SLC10A7: variants seen among roughly 807,000 people sequenced by gnomAD.
SLC10A7 encodes the protein sodium/bile acid cotransporter 7.
In SLC10A7, 29 loss-of-function variants were observed where a neutral mutation model predicts 43.2. That is an observed-to-expected ratio of 0.67 (90% CI 0.50 to 0.92). The LOEUF (loss-of-function observed/expected upper bound fraction) is 0.92, where lower values mean the gene tolerates loss of function less well. SLC10A7 is among the 40% of genes least tolerant of loss of function. The probability of loss-of-function intolerance (pLI) is 0.00; values close to 1 mark genes in which losing one functional copy is unlikely to be tolerated. For missense variants in SLC10A7, 295 were observed against 403.2 expected, an observed-to-expected ratio of 0.73 and a Z score of 2.30; for synonymous variants, 152 against 144.8, an observed-to-expected ratio of 1.05 and a Z score of -0.35.
At chr4:146,335,262 A>AAAAAAAAAAAAAG (rs1316700290) in intron 5 of SLC10A7, among the ~76,000 whole-genome samples, 1 of 145,428 alleles carries the variant, frequency 6.9e-6, no homozygotes, top group Admixed American at 6.8e-5. Flanking sequence ...AAAAAAAAAA[A>AAAAAAAAAAAAAG]AAAAAAAAAA....
chr4:146,294,355 C>T (rs989571693), intron 7 of SLC10A7, among the ~76,000 whole-genome samples: 33 of 152,158 alleles, frequency 2.2e-4, no homozygotes, highest in Non-Finnish European at 3.4e-4. Flanking sequence ...ATGCCAAATG[C>T]TCTTTGCTAG....
At chr4:146,411,831 G>C (rs1728215218) in intron 5 of SLC10A7, among the ~76,000 whole-genome samples, 1 of 152,154 alleles carries the variant, frequency 6.6e-6, no homozygotes, top group African/African-American at 2.4e-5. Flanking sequence ...TGTAAGTCAT[G>C]CATTTGCTGG....
chr4:146,404,208 C>T (rs1051500392), intron 5 of SLC10A7, among the ~76,000 whole-genome samples: 6 of 151,952 alleles, frequency 3.9e-5, no homozygotes, highest in East Asian at 3.9e-4. Flanking sequence ...TTTGTAAAGA[C>T]GGGGTCTCCC....
intron 5 of SLC10A7, among the ~76,000 whole-genome samples, chr4:146,396,909 A>G (rs963259773): frequency 6.6e-6 from 1 of 152,164 alleles, no homozygotes; most frequent in African/African-American, 2.4e-5. Flanking sequence ...TAACAAAAGG[A>G]AAAGGAGAAA....
At chr4:146,499,013 A>G (rs551370785) in intron 4 of SLC10A7, among the ~76,000 whole-genome samples, 2 of 152,190 alleles carry the variant, frequency 1.3e-5, no homozygotes, top group Non-Finnish European at 2.9e-5. Context: ...AAATGACACC[A>G]TTACAACTGC....
At chr4:146,478,119 A>T (rs554108213) in intron 4 of SLC10A7, 1 of 152,320 alleles carries the variant, frequency 6.6e-6, no homozygotes, top group South Asian at 2.1e-4. Context: ...AATGGGAATG[A>T]CACATACTAT....
chr4:146,364,608 T>C (rs1464860715), intron 5 of SLC10A7, among the ~76,000 whole-genome samples: 2 of 152,090 alleles, frequency 1.3e-5, no homozygotes, highest in Admixed American at 6.6e-5. Context: ...AGAGTGATGG[T>C]TCCCAGAGGC....
At chr4:146,311,768 A>C (rs1486163649) in intron 6 of SLC10A7, among the ~76,000 whole-genome samples, 2 of 152,100 alleles carry the variant, frequency 1.3e-5, no homozygotes, top group Admixed American at 1.3e-4. Context: ...AAAGGGAAGA[A>C]GGCTTGCTTA....
Position 146,343,194 on chromosome 4 carries a change from T to G in SLC10A7, c.436-17198A>C, listed in dbSNP as rs548344028. 5.9e-5 allele frequency among the ~76,000 whole-genome samples: 9 copies of G among 152,168 alleles called. No individual in the cohort carries two copies. The East Asian group carries it at 1.7e-3, about 29-fold the overall frequency. On this transcript the variant is annotated intron_variant, in intron 5 of 11. Transcript: ENST00000335472. ...TAGGTGATTTCTTACAACACAGTAC[T>G]GTAATCTTCTTGGGTTCTGTTTTTC...
intron 9 of SLC10A7, among the ~76,000 whole-genome samples, chr4:146,291,956 G>C (rs1178349136): frequency 3.9e-5 from 6 of 152,198 alleles, no homozygotes; most frequent in Non-Finnish European, 2.9e-5. Flanking sequence ...TATAATAAAG[G>C]TGGAAAAATT....
chr4:146,521,402 A>C (rs1579412231), intron 1 of SLC10A7, among the ~76,000 whole-genome samples: 2 of 152,300 alleles, frequency 1.3e-5, no homozygotes, highest in East Asian at 3.9e-4. Context: ...TTGTCTACGG[A>C]AAAGGCTACC....
rs183923194 is a variant in SLC10A7, at chr4:146,412,204, G to A, written c.435+30579C>T. 2.8e-3 allele frequency among the ~76,000 whole-genome samples: 426 copies of A among 152,070 alleles called. 4 individuals are homozygous for A. Among genetic ancestry groups the A allele is most frequent in the African/African-American group, 1.0e-2 (415 of 41,512 alleles). ...ATAATTGCTTGGCCTAAAAGATATGGGGAGTAATTCACATGACTTTCTCAA... is the reference window on the plus strand; with the variant it reads ...ATAATTGCTTGGCCTAAAAGATATGAGGAGTAATTCACATGACTTTCTCAA... On this transcript the variant is annotated intron_variant, in intron 5 of 11. Transcript: ENST00000335472.
In SLC10A7 at chr4:146,431,045, G is replaced by C. The variant is rs898023989; in HGVS notation, c.435+11738C>G. Among the ~76,000 whole-genome samples the C allele has an allele frequency of 3.3e-5, 5 of 152,002 alleles. No individual in the cohort carries two copies. In the East Asian group the frequency reaches 9.6e-4, roughly 29 times the overall value. On this transcript the variant is annotated intron_variant, in intron 5 of 11. Coordinates refer to ENST00000335472, the MANE Select transcript of SLC10A7 (RefSeq NM_001029998.6). ...TTACTATTAATTTGTGTGAACATTT[G>C]TAAATAAAATTAATATAAAAATGAA...
At chr4:146,498,393 C>T (rs1369631716) in intron 4 of SLC10A7, among the ~76,000 whole-genome samples, 5 of 152,142 alleles carry the variant, frequency 3.3e-5, no homozygotes, top group East Asian at 1.9e-4. Flanking sequence ...CCTGGGATTA[C>T]AGACATGAGC....
intron 4 of SLC10A7, among the ~76,000 whole-genome samples, chr4:146,484,502 A>G (rs972713097): frequency 1.1e-4 from 17 of 152,214 alleles, no homozygotes; most frequent in Admixed American, 1.3e-4. Context: ...AATTTTTTTA[A>G]AAAGTCAAAC....
chr4:146,440,290 CT>C (rs750335598), intron 5 of SLC10A7, among the ~76,000 whole-genome samples: 7 of 145,524 alleles, frequency 4.8e-5, no homozygotes, highest in Admixed American at 6.8e-5. Flanking sequence ...CTTTTCTTTT[CT>C]TTTTTTTTTT....
intron 4 of SLC10A7, among the ~76,000 whole-genome samples, chr4:146,454,372 C>T (rs1731867518): frequency 1.3e-5 from 2 of 151,624 alleles, no homozygotes; most frequent in Admixed American, 1.3e-4. Context: ...TATGACAATC[C>T]CTTTGTTAAT....
intron 5 of SLC10A7, among the ~76,000 whole-genome samples, chr4:146,364,133 AAAAT>A (rs70958504): frequency 0.48 from 72,532 of 151,230 alleles, 17,692 homozygotes; most frequent in East Asian, 0.62. Flanking sequence ...AGAGAAGACC[AAAAT>A]AAATAAGAGA....
intron 5 of SLC10A7, among the ~76,000 whole-genome samples, chr4:146,393,384 C>G (rs1020668709): frequency 6.6e-6 from 1 of 151,972 alleles, no homozygotes; most frequent in Non-Finnish European, 1.5e-5. Flanking sequence ...TGTACAAGAT[C>G]ACAGAGCTTG....
Sources: allele counts gnomAD v4.1 joint callset (sites outside exome capture counted in the v4.1 genomes callset), GRCh38; gene constraint gnomAD v4.1.1; transcripts MANE v1.5; gene names NCBI Gene and HGNC (gene_info 2026-07-23, HGNC 2026-07-21).